ARMC2: variants seen among roughly 807,000 people sequenced by gnomAD.
ARMC2 encodes the protein armadillo repeat-containing protein 2.
A neutral mutation model predicts 90.3 loss-of-function variants in ARMC2; 67 were observed. The ratio of observed to expected loss-of-function variants is 0.74; its 90% confidence interval spans 0.61 to 0.91. The LOEUF (loss-of-function observed/expected upper bound fraction) is 0.91, where lower values mean the gene tolerates loss of function less well. Ranked by LOEUF, ARMC2 falls within the 40% of genes least tolerant of loss-of-function variation. The pLI is 0.00. For missense variants in ARMC2, 920 were observed against 1,030.9 expected (o/e 0.89, Z 1.47); for synonymous variants, 393 against 393.0 (o/e 1.00, Z 0.00).
intron 17 of ARMC2, among the ~76,000 whole-genome samples, chr6:108,970,821 C>A (rs1778714760): frequency 6.6e-6 from 1 of 151,956 alleles, no homozygotes; most frequent in Non-Finnish European, 1.5e-5. Context: ...CAACAGAATT[C>A]ATTTTCTATA....
chr6:109,015,330 A>G, the ARMC2 span, among the ~76,000 whole-genome samples: 5 of 152,170 alleles, frequency 3.3e-5, no homozygotes, highest in Admixed American at 6.5e-5. Flanking sequence ...GCTCTCCTGC[A>G]CTACCAGGCT....
At chr6:109,051,052 C>T in the ARMC2 span, among the ~76,000 whole-genome samples, 1 of 152,074 alleles carries the variant, frequency 6.6e-6, no homozygotes, top group Non-Finnish European at 1.5e-5. Context: ...AAGCTAATCA[C>T]CAAATATTAA....
chr6:108,899,607 T>C, intron 6 of ARMC2, 87 bp from the exon 7 acceptor site: 1 of 893,088 alleles, frequency 1.1e-6, no homozygotes, highest in Non-Finnish European at 1.8e-6. Context: ...TTATTAATTG[T>C]AGTGATGAAT....
chr6:108,962,002 C>G lies in ARMC2; in HGVS notation c.2039-12C>G. On this transcript the variant is annotated splice_polypyrimidine_tract_variant and intron_variant, in intron 14 of 17. Transcript: ENST00000392644. Reference sequence around the variant, plus strand: ...AATTCACTGATTTAATTTCTCTGGTCGCCAAATCCAGTGCTCTTAAAGCTT... The same window carrying G: ...AATTCACTGATTTAATTTCTCTGGTGGCCAAATCCAGTGCTCTTAAAGCTT... The G allele has an allele frequency of 6.4e-7, 1 of 1,568,570 alleles. No individual in the cohort carries two copies. Among genetic ancestry groups the G allele is most frequent in the Non-Finnish European group, 8.7e-7 (1 of 1,152,562 alleles).
At chr6:108,956,121 T>C (rs569984801) in intron 13 of ARMC2, among the ~76,000 whole-genome samples, 1 of 152,308 alleles carries the variant, frequency 6.6e-6, no homozygotes, top group African/African-American at 2.4e-5. Context: ...GGGCGAATTC[T>C]CATCTGTTGC....
At chr6:109,030,070 C>T in the ARMC2 span, among the ~76,000 whole-genome samples, 1 of 152,128 alleles carries the variant, frequency 6.6e-6, no homozygotes, top group Non-Finnish European at 1.5e-5. Context: ...AGCCTTTTAA[C>T]TTGGCCATAG....
intron 13 of ARMC2, 54 bp downstream of exon 13, chr6:108,953,405 C>A: frequency 6.6e-7 from 1 of 1,510,894 alleles, no homozygotes; most frequent in Non-Finnish European, 8.9e-7. Context: ...TCCCGCGGCC[C>A]AAAGACAGTT....
intron 13 of ARMC2, among the ~76,000 whole-genome samples, chr6:108,961,083 G>T (rs1777966687): frequency 1.3e-5 from 2 of 152,182 alleles, no homozygotes; most frequent in Admixed American, 1.3e-4. Flanking sequence ...ATGAACTAGT[G>T]GGGAGGTAGA....
the ARMC2 span, among the ~76,000 whole-genome samples, chr6:109,013,092 G>GC: frequency 2.0e-5 from 3 of 148,938 alleles, no homozygotes; most frequent in Admixed American, 6.6e-5. Flanking sequence ...CTCTAGCCTG[G>GC]CAACAGGGAA....
intron 5 of ARMC2, among the ~76,000 whole-genome samples, chr6:108,881,479 G>A (rs527967945): frequency 2.0e-4 from 30 of 152,118 alleles, no homozygotes; most frequent in Non-Finnish European, 3.8e-4. Context: ...TACCTTCTCA[G>A]ACCTTGAGCA....
chr6:108,935,681 G>A (rs1467533227), intron 11 of ARMC2, among the ~76,000 whole-genome samples: 2 of 152,078 alleles, frequency 1.3e-5, no homozygotes, highest in Non-Finnish European at 2.9e-5. Flanking sequence ...GGCCTCAAGT[G>A]ATCCTCCTGC....
the ARMC2 span, among the ~76,000 whole-genome samples, chr6:109,020,326 T>G: frequency 5.9e-5 from 9 of 152,236 alleles, no homozygotes; most frequent in South Asian, 4.1e-4. Flanking sequence ...GTAGTGATTA[T>G]TTGTTTCATC....
At chr6:108,854,772 C>T (rs377604141) in intron 2 of ARMC2, among the ~76,000 whole-genome samples, 6 of 152,174 alleles carry the variant, frequency 3.9e-5, no homozygotes, top group Admixed American at 6.5e-5. Flanking sequence ...TTCACATTGG[C>T]GTTCACTCTT....
the ARMC2 span, chr6:109,009,557 G>C: frequency 1.0e-6 from 1 of 969,444 alleles, no homozygotes; most frequent in Non-Finnish European, 1.2e-6. Context: ...ACGGACGGCG[G>C]GGGGGCGGGG....
chr6:108,854,237 A>T lies in ARMC2; in HGVS notation c.-31A>T. Reference sequence around the variant, plus strand: ...CATGTATTTGCAGGGTGTGGTGTCTATCTGAAGAATATTTTACTTTCAAAG... The same window carrying T: ...CATGTATTTGCAGGGTGTGGTGTCTTTCTGAAGAATATTTTACTTTCAAAG... On this transcript the variant is annotated 5_prime_UTR_variant, in exon 2 of 18. Transcript: ENST00000392644. 6.6e-7 allele frequency: 1 copy of T among 1,519,656 alleles called. No homozygotes were observed. The highest frequency in any genetic ancestry group is 1.4e-5 in the African/African-American group (1 of 72,660). 94.1% of individuals were successfully genotyped at this position (1,519,656 alleles called of 1,614,324 possible). A position where few individuals can be genotyped will look rare whatever the true frequency, so the allele number is the denominator to read the frequency against.
intron 11 of ARMC2, among the ~76,000 whole-genome samples, chr6:108,933,311 CTT>C (rs1174644893): frequency 2.0e-5 from 3 of 152,020 alleles, no homozygotes; most frequent in Non-Finnish European, 4.4e-5. Flanking sequence ...TCTCAGGTAT[CTT>C]ATTCTTTTTG....
intron 10 of ARMC2, among the ~76,000 whole-genome samples, chr6:108,923,778 T>C (rs1774842194): frequency 6.6e-6 from 1 of 152,078 alleles, no homozygotes; most frequent in South Asian, 2.1e-4. Context: ...TGGTGGCCTT[T>C]TCCTGATCCT....
At chr6:108,907,547 T>A in intron 8 of ARMC2, 2 of 1,324,480 alleles carry the variant, frequency 1.5e-6, no homozygotes, top group Non-Finnish European at 2.1e-6. Flanking sequence ...ATCGAGATTG[T>A]GTTCCTCACA....
chr6:108,998,160 C>T, the ARMC2 span, among the ~76,000 whole-genome samples: 1 of 152,226 alleles, frequency 6.6e-6, no homozygotes, highest in African/African-American at 2.4e-5. Flanking sequence ...AAGTCTCCAC[C>T]ACCAGGCCAC....
Sources: allele counts gnomAD v4.1 joint callset (sites outside exome capture counted in the v4.1 genomes callset), GRCh38; gene constraint gnomAD v4.1.1; transcripts MANE v1.5; gene names NCBI Gene and HGNC (gene_info 2026-07-23, HGNC 2026-07-21).